The following LMF1 variants were observed in gnomAD, a reference collection of about 807,000 sequenced individuals.
LMF1 encodes transmembrane protein 112.
A neutral mutation model predicts 60.6 loss-of-function variants in LMF1; 68 were observed. The ratio of observed to expected loss-of-function variants is 1.12; its 90% confidence interval spans 0.92 to 1.37. The LOEUF (loss-of-function observed/expected upper bound fraction) is 1.37, where lower values mean the gene tolerates loss of function less well. Among genes scored for constraint, LMF1 ranks in the 40% most tolerant of loss-of-function variants. The probability of loss-of-function intolerance (pLI) is 0.00; values close to 1 mark genes in which losing one functional copy is unlikely to be tolerated. For missense variants in LMF1, 948 were observed against 767.2 expected (o/e 1.24, Z -2.78); for synonymous variants, 418 against 324.7 (o/e 1.29, Z -3.09).
At chr16:914,758 A>T (rs1317221268) in intron 3 of LMF1, among the ~76,000 whole-genome samples, 1 of 3,750 alleles carries the variant, frequency 2.7e-4, no homozygotes, top group Non-Finnish European at 5.0e-4. Context: ...TTGGTGACAC[A>T]TTCCCTCCCT....
intron 5 of LMF1, among the ~76,000 whole-genome samples, chr16:885,479 A>T (rs1281281642): frequency 6.6e-6 from 1 of 152,212 alleles, no homozygotes; most frequent in Non-Finnish European, 1.5e-5. Context: ...ACCCAAGCAT[A>T]CGCCAGCTCT....
At chr16:876,806 T>C (rs1205270339) in intron 6 of LMF1, among the ~76,000 whole-genome samples, 1 of 151,850 alleles carries the variant, frequency 6.6e-6, no homozygotes, top group Non-Finnish European at 1.5e-5. Flanking sequence ...ACATGGCTGA[T>C]TGATTGATAA....
At chr16:867,533 G>T (rs923665328) in intron 10 of LMF1, among the ~76,000 whole-genome samples, 1 of 152,176 alleles carries the variant, frequency 6.6e-6, no homozygotes, top group Non-Finnish European at 1.5e-5. Context: ...ACGAGCTCTG[G>T]GGCCTGGTCC....
At position 945,119 on chromosome 16, in the gene LMF1, G is replaced by T. The variant is rs187763887; in HGVS notation, c.503+9238C>A. 3.4e-3 allele frequency among the ~76,000 whole-genome samples: 505 copies of T among 147,290 alleles called. 12 individuals carry two copies. Among genetic ancestry groups the T allele is most frequent in the Admixed American group, 0.032 (459 of 14,418 alleles). On this transcript the variant is annotated intron_variant, in intron 2 of 10. Coordinates refer to ENST00000262301, the MANE Select transcript of LMF1 (RefSeq NM_022773.4). ...CCAGCTACTTGGGAGGCTAAGGTGG[G>T]AGAATCGCTTCAACCCAGGAAGTGG...
chr16:913,385 G>T (rs72759459), intron 3 of LMF1, among the ~76,000 whole-genome samples: 1 of 152,252 alleles, frequency 6.6e-6, no homozygotes, highest in Admixed American at 6.5e-5. Flanking sequence ...CCCAATCAGC[G>T]GAGAAGCTGC....
Position 869,924 on chromosome 16 carries a change from G to T in LMF1, c.1375C>A (p.His459Asn). 6.2e-7 allele frequency: 1 copy of T among 1,613,246 alleles called. No homozygotes were observed. The highest frequency in any genetic ancestry group is 2.2e-5 in the East Asian group (1 of 44,886). Residue 459 changes from histidine (H) to asparagine (N), a missense_variant, in exon 9 of 11, where the codon CAC becomes AAC. Physicochemically the swap from His to Asn is moderately conservative, Grantham distance 68. Coordinates refer to ENST00000262301, the MANE Select transcript of LMF1 (RefSeq NM_022773.4). ...CACATCAGCCAGTCCAGGCGGTAGTGGTACGGGGAGATGAGGCAGGGCCGT... is the reference window on the plus strand; with the variant it reads ...CACATCAGCCAGTCCAGGCGGTAGTTGTACGGGGAGATGAGGCAGGGCCGT... Reference protein sequence around the residue: ...SRRPCLISPYHYRLDWLMWFA... With the variant: ...SRRPCLISPYNYRLDWLMWFA...
chr16:957,989 A>T (rs1356849646), intron 1 of LMF1, among the ~76,000 whole-genome samples: 1 of 152,184 alleles, frequency 6.6e-6, no homozygotes, highest in Non-Finnish European at 1.5e-5. Context: ...CAAAATAAAT[A>T]AAAAAACAAA....
At chr16:885,062 A>G (rs1305888514) in intron 5 of LMF1, 3 of 152,280 alleles carry the variant, frequency 2.0e-5, no homozygotes, top group African/African-American at 7.2e-5. Flanking sequence ...TGGACTGTTT[A>G]ATCAAACTGT....
At chr16:967,943 C>T (rs756743227) in intron 1 of LMF1, among the ~76,000 whole-genome samples, 1 of 151,890 alleles carries the variant, frequency 6.6e-6, no homozygotes, top group Admixed American at 6.6e-5. Flanking sequence ...ACTAGGGACC[C>T]GAGTCCACAC....
chr16:926,854 A>G (rs549547516), intron 3 of LMF1, among the ~76,000 whole-genome samples: 2 of 152,212 alleles, frequency 1.3e-5, no homozygotes, highest in Admixed American at 1.3e-4. Context: ...CCTCTCTGTG[A>G]GTCCTCCCCT....
At chr16:880,096 A>G (rs2151714854) in intron 5 of LMF1, among the ~76,000 whole-genome samples, 1 of 152,280 alleles carries the variant, frequency 6.6e-6, no homozygotes, top group African/African-American at 2.4e-5. Flanking sequence ...TGCTGCCCAC[A>G]GGCGGCCAAG....
At chr16:933,965 C>T (rs1224868705) in intron 3 of LMF1, 16 of 1,429,870 alleles carry the variant, frequency 1.1e-5, no homozygotes, top group Non-Finnish European at 1.5e-5. Flanking sequence ...TTTCCCTCTG[C>T]CCCAGGGAAG....
intron 2 of LMF1, among the ~76,000 whole-genome samples, chr16:951,131 C>T (rs2072453210): frequency 4.5e-5 from 2 of 43,970 alleles, no homozygotes; most frequent in Non-Finnish European, 7.6e-5. Context: ...CAGAGTCAGC[C>T]GACAGAGTCA....
chr16:963,764 A>T (rs2072865159), intron 1 of LMF1, among the ~76,000 whole-genome samples: 1 of 152,194 alleles, frequency 6.6e-6, no homozygotes, highest in Non-Finnish European at 1.5e-5. Context: ...GCAATAGCCT[A>T]AATCAGTAAT....
chr16:871,016 C>CA, intron 7 of LMF1, 134 bp from the exon 8 acceptor site: 1 of 1,402,412 alleles, frequency 7.1e-7, no homozygotes, highest in South Asian at 1.4e-5. Flanking sequence ...CGAACTCACA[C>CA]ACCTTGTTCC....
In LMF1 at chr16:854,444, G is replaced by T; in HGVS notation, c.*88C>A. On this transcript the variant is annotated 3_prime_UTR_variant, in exon 11 of 11. Coordinates refer to ENST00000262301, the MANE Select transcript of LMF1 (RefSeq NM_022773.4). ...CTCTCCTCTCCACGTCTCTCTTGGCGATGCCCAGCTTGGGCTGGGCGCAGG... is the reference window on the plus strand; with the variant it reads ...CTCTCCTCTCCACGTCTCTCTTGGCTATGCCCAGCTTGGGCTGGGCGCAGG... 1 of 1,327,738 alleles carries T rather than the reference G, an allele frequency of 7.5e-7. No individual in the cohort carries two copies. Among genetic ancestry groups the T allele is most frequent in the Non-Finnish European group, 1.0e-6 (1 of 959,524 alleles). 82.2% of individuals were successfully genotyped at this position (1,327,738 alleles called of 1,614,324 possible).
rs1253721806 is a variant in LMF1, at chr16:874,519, C to G, written c.898-3178G>C. ...TCCCGTGGGGTGCTGGCTGGGCGGCCGGGCTCTGCGGTCACTGCTCTTGTG... is the reference window on the plus strand; with the variant it reads ...TCCCGTGGGGTGCTGGCTGGGCGGCGGGGCTCTGCGGTCACTGCTCTTGTG... On this transcript the variant is annotated intron_variant, in intron 6 of 10. Transcript: ENST00000262301. The surrounding 1 kb of genome is among the most constrained non-coding windows in gnomAD (Gnocchi z 4.1). Among the ~76,000 whole-genome samples the G allele has an allele frequency of 6.6e-6, 1 of 152,204 alleles. No individual in the cohort carries two copies. Among genetic ancestry groups the G allele is most frequent in the African/African-American group, 2.4e-5 (1 of 41,458 alleles).
Position 970,870 on chromosome 16 carries a change from G to A in LMF1, c.111C>T (p.Pro37=). 1.3e-6 allele frequency: 2 copies of A among 1,566,878 alleles called. No individual in the cohort carries two copies. The highest frequency in any genetic ancestry group is 1.2e-5 in the South Asian group (1 of 84,498). ...PESPPAPGRG[P]AGSPAHLHTG... ...TGTGGAGATGGGCCGGAGAGCCTGCGGGGCCACGCCCCGGCGCGGGCGGCG... is the reference window on the plus strand; with the variant it reads ...TGTGGAGATGGGCCGGAGAGCCTGCAGGGCCACGCCCCGGCGCGGGCGGCG... Residue 37 remains proline, a synonymous_variant, in exon 1 of 11, where the codon CCC becomes CCT. Coordinates refer to ENST00000262301, the MANE Select transcript of LMF1 (RefSeq NM_022773.4).
intron 1 of LMF1, among the ~76,000 whole-genome samples, chr16:970,290 G>A (rs1411941228): frequency 6.6e-6 from 1 of 152,082 alleles, no homozygotes; most frequent in Non-Finnish European, 1.5e-5. Flanking sequence ...TGTGGCGTGC[G>A]GGCGTCCAGT....
Sources: gnomAD v4.1 joint callset for allele counts (sites outside exome capture counted in the v4.1 genomes callset) on GRCh38, gnomAD v4.1.1 for gene constraint, Gnocchi (gnomAD v3.1) non-coding constraint, MANE v1.5 for transcripts, NCBI Gene and HGNC (gene_info 2026-07-23, HGNC 2026-07-21) for gene names.